RAB26: variants seen among roughly 807,000 people sequenced by gnomAD.
The protein encoded by RAB26 is ras-related protein Rab-26.
A neutral mutation model predicts 33.1 loss-of-function variants in RAB26; 39 were observed. The ratio of observed to expected loss-of-function variants is 1.18; its 90% CI spans 0.91 to 1.54. RAB26 has a LOEUF of 1.54. RAB26 is among the 40% of genes most tolerant of loss of function. The pLI is 0.00. For missense variants in RAB26, 468 were observed against 362.9 expected, an observed-to-expected ratio of 1.29 and a Z score of -2.35; for synonymous variants, 192 against 151.9, an observed-to-expected ratio of 1.26 and a Z score of -1.94.
At position 2,153,396 on chromosome 16, in the gene RAB26, G is replaced by A. The variant is rs756320963; in HGVS notation, c.746G>A (p.Arg249Gln). The A allele has an allele frequency of 9.3e-6, 15 of 1,613,320 alleles. 1 individual carries two copies. The South Asian group carries it at 1.3e-4, about 14-fold the overall frequency. Reference protein sequence around the residue: ...RLHDYVKREGRGASCCRP With the variant: ...RLHDYVKREGQGASCCRP ...CATGATTACGTTAAGAGGGAGGGTCGAGGGGCCTCCTGCTGCCGCCCTTGA... is the reference window on the plus strand; with the variant it reads ...CATGATTACGTTAAGAGGGAGGGTCAAGGGGCCTCCTGCTGCCGCCCTTGA... The change falls in exon 9 of 9, where the codon CGA (arginine) becomes CAA (glutamine). Residue 249 changes from arginine (R) to glutamine (Q), a missense_variant. Physicochemically the swap from Arg to Gln is conservative, Grantham distance 43. Transcript: ENST00000210187.
At chr16:2,149,461 C>T (rs2141250487) in intron 1 of RAB26, among the ~76,000 whole-genome samples, 1 of 152,224 alleles carries the variant, frequency 6.6e-6, no homozygotes, top group African/African-American at 2.4e-5. Context: ...GAAGGCCTGA[C>T]TGCTGCCCAC....
At chr16:2,149,292 CGGCTGT>C (rs2092996603) in intron 1 of RAB26, among the ~76,000 whole-genome samples, 1 of 145,458 alleles carries the variant, frequency 6.9e-6, no homozygotes, top group African/African-American at 2.6e-5. Context: ...CTCAACCCAG[CGGCTGT>C]GGGCCTTTTT....
chr16:2,153,432 G>A lies in RAB26; in HGVS notation c.*11G>A. 1 of 1,612,638 alleles carries A rather than the reference G, an allele frequency of 6.2e-7. No individual in the cohort carries two copies. ...TGCTGCCGCCCTTGAACCTGGCTGA[G>A]CTCAGTCCTCTGGAGGAAGCCGTCC... On this transcript the variant is annotated 3_prime_UTR_variant, in exon 9 of 9. Coordinates refer to ENST00000210187, the MANE Select transcript of RAB26 (RefSeq NM_014353.5).
In RAB26 at chr16:2,148,649, T is replaced by A. The variant is rs965953014; in HGVS notation, c.-135T>A. 1.9e-3 allele frequency: 728 copies of A among 388,696 alleles called. 12 individuals are homozygous for A. The highest frequency in any genetic ancestry group is 0.015 in the African/African-American group (676 of 44,856). The allele number at this position is 388,696 out of a possible 1,614,324, so 24.1% of individuals were successfully genotyped here. ...GGCGCGAGCCGGGCGCCCGGGATGA[T>A]GCCGCCGCCGCCGCCGCCGCCGCCG... On this transcript the variant is annotated 5_prime_UTR_variant, in exon 1 of 9. It removes an upstream start codon present in the reference 5' UTR. Coordinates refer to ENST00000210187, the MANE Select transcript of RAB26 (RefSeq NM_014353.5).
Position 2,153,020 on chromosome 16 carries a change from G to A in RAB26, c.566G>A (p.Arg189Lys), listed in dbSNP as rs201363323. ...TCTGCCCATGAGCGTGTGGTGAAGA[G>A]GGAGGACGGGGAGAAGCTGGCCAAG... The part of the protein sequence containing the change: ...VDSAHERVVK[R>K]EDGEKLAKEY... The change falls in exon 7 of 9, where the codon AGG becomes AAG. Residue 189 changes from arginine to lysine, a missense_variant. Arg to Lys is a conservative substitution (Grantham distance 26). Transcript: ENST00000210187. The A allele has an allele frequency of 2.6e-4, 412 of 1,601,212 alleles. No homozygotes were observed. The highest frequency in any genetic ancestry group is 3.3e-4 in the Non-Finnish European group (392 of 1,171,524).
rs771953171 is a variant in RAB26, at chr16:2,153,413, C to T, written c.763C>T (p.Arg255Cys). 10 of 1,613,352 alleles carry T rather than the reference C, an allele frequency of 6.2e-6. No individual in the cohort carries two copies. Among genetic ancestry groups the T allele is most frequent in the East Asian group, 4.5e-5 (2 of 44,886 alleles). Residue 255 changes from arginine (R) to cysteine (C), a missense_variant, in exon 9 of 9, where the codon CGC (arginine) becomes TGC (cysteine). By Grantham distance (180) the Arg-to-Cys change is radical (BLOSUM62 -3). Coordinates refer to ENST00000210187, the MANE Select transcript of RAB26 (RefSeq NM_014353.5). ...KREGRGASCCRP is the reference protein window; with the variant it reads ...KREGRGASCCCP ...GGAGGGTCGAGGGGCCTCCTGCTGC[C>T]GCCCTTGAACCTGGCTGAGCTCAGT...
chr16:2,150,715 C>A (rs977933285), intron 2 of RAB26, among the ~76,000 whole-genome samples: 4 of 151,880 alleles, frequency 2.6e-5, no homozygotes, highest in Non-Finnish European at 4.4e-5. Context: ...GTCCCCACTT[C>A]CCCACCTCCC....
chr16:2,152,624 T>C (rs2093008939), intron 5 of RAB26, among the ~76,000 whole-genome samples, 196 bp from the exon 6 acceptor site: 1 of 132,188 alleles, frequency 7.6e-6, no homozygotes, highest in Non-Finnish European at 1.5e-5. Flanking sequence ...ACCCAGGAGA[T>C]GGAGACTGCA....
intron 1 of RAB26, among the ~76,000 whole-genome samples, chr16:2,149,706 T>C (rs377446307): frequency 6.6e-6 from 1 of 152,184 alleles, no homozygotes. Context: ...GGGTCCGGGA[T>C]GCAGGTGGCT....
chr16:2,153,067 G>C, intron 7 of RAB26, 22 bp downstream of exon 7: 3 of 1,611,706 alleles, frequency 1.9e-6, no homozygotes, highest in Non-Finnish European at 2.5e-6. Flanking sequence ...CAGGGGGGTG[G>C]TGAGGGGGTG....
chr16:2,153,351 G>T lies in RAB26; in HGVS notation c.701G>T (p.Ser234Ile). The T allele has an allele frequency of 6.2e-7, 1 of 1,613,496 alleles. No homozygotes were observed. ...ELKQRSMKAP[S>I]EPRFRLHDYV... ...AAGCAGCGCTCCATGAAGGCTCCCAGCGAGCCGCGCTTCCGGCTGCATGAT... is the reference window on the plus strand; with the variant it reads ...AAGCAGCGCTCCATGAAGGCTCCCATCGAGCCGCGCTTCCGGCTGCATGAT... Residue 234 changes from serine to isoleucine, a missense_variant, in exon 9 of 9, where the codon AGC becomes ATC. Physicochemically the swap from Ser to Ile is moderately radical, Grantham distance 142. Transcript: ENST00000210187.
Position 2,153,759 on chromosome 16 carries a change from A to T in RAB26, c.*338A>T. The T allele has an allele frequency of 1.9e-6, 1 of 513,282 alleles. No individual in the cohort carries two copies. The highest frequency in any genetic ancestry group is 3.8e-6 in the Non-Finnish European group (1 of 265,254). 31.8% of individuals were successfully genotyped at this position (513,282 alleles called of 1,614,324 possible). On this transcript the variant is annotated 3_prime_UTR_variant, in exon 9 of 9. Coordinates refer to ENST00000210187, the MANE Select transcript of RAB26 (RefSeq NM_014353.5). ...GGGGCTGGCACCACGCACAGTGCCT[A>T]ACCCTAGAAAAGCCATGTCTTCAGC...
chr16:2,152,150 C>G (rs1409413861), intron 5 of RAB26, among the ~76,000 whole-genome samples: 1 of 152,184 alleles, frequency 6.6e-6, no homozygotes, highest in Non-Finnish European at 1.5e-5. Flanking sequence ...GGGGGGTTAT[C>G]ACTTCTAAAG....
rs753141099 is a variant in RAB26, at chr16:2,150,034, G to A, written c.289G>A (p.Val97Ile). ...CCTGGCGGGGACCTTCATCTCCACC[G>A]TAGGCATTGACTTCCGGGTGAGTGG... ...AFLAGTFIST[V>I]GIDFRNKVLD... The change falls in exon 2 of 9, where the codon GTA (valine) becomes ATA (isoleucine). Residue 97 changes from valine to isoleucine, a missense_variant. Physicochemically the swap from Val to Ile is conservative, Grantham distance 29. Transcript: ENST00000210187. 101 of 1,543,624 alleles carry A rather than the reference G, an allele frequency of 6.5e-5. No homozygotes were observed. In the Admixed American group the frequency reaches 9.6e-4, roughly 15 times the overall value.
At chr16:2,152,165 G>A (rs1403142684) in intron 5 of RAB26, among the ~76,000 whole-genome samples, 1 of 152,220 alleles carries the variant, frequency 6.6e-6, no homozygotes, top group Non-Finnish European at 1.5e-5. Context: ...CTAAAGACAG[G>A]TATCCTGGCC....
In RAB26 at chr16:2,151,764, G is replaced by A. The variant is rs1394348854; in HGVS notation, c.415+3G>A. ...TGCCTACTACCGGGATGCTCATGGT[G>A]AGCCCCTGGGTACCTGGGCTGGTTG... On this transcript the variant is annotated splice_donor_region_variant and intron_variant, in intron 4 of 8. Coordinates refer to ENST00000210187, the MANE Select transcript of RAB26 (RefSeq NM_014353.5). 11 of 1,613,974 alleles carry A rather than the reference G, an allele frequency of 6.8e-6. No individual in the cohort carries two copies. The highest frequency in any genetic ancestry group is 1.6e-4 in the Middle Eastern group (1 of 6,062).
At chr16:2,149,309 T>C (rs1457369869) in intron 1 of RAB26, among the ~76,000 whole-genome samples, 1 of 148,108 alleles carries the variant, frequency 6.8e-6, no homozygotes, top group Non-Finnish European at 1.5e-5. Flanking sequence ...GGGCCTTTTT[T>C]TTTTTTTTTT....
chr16:2,148,970 G>A lies in RAB26; in HGVS notation c.187G>A (p.Ala63Thr), dbSNP rs1328352215. The change falls in exon 1 of 9, where the codon GCC (alanine) becomes ACC (threonine). Residue 63 changes from alanine to threonine, a missense_variant. Transcript: ENST00000210187. ...LGGGVDFYDVAFKVMLVGDSG... is the reference protein window; with the variant it reads ...LGGGVDFYDVTFKVMLVGDSG... ...CGGCGGTGTCGACTTCTACGACGTCGCCTTCAAGGTGAGCCAGGCACCCGC... is the reference window on the plus strand; with the variant it reads ...CGGCGGTGTCGACTTCTACGACGTCACCTTCAAGGTGAGCCAGGCACCCGC... The A allele has an allele frequency of 1.6e-6, 2 of 1,275,900 alleles. No homozygotes were observed. The highest frequency in any genetic ancestry group is 1.5e-5 in the African/African-American group (1 of 64,860). 79.0% of individuals were successfully genotyped at this position (1,275,900 alleles called of 1,614,324 possible). A position where few individuals can be genotyped will look rare whatever the true frequency, so the allele number is the denominator to read the frequency against.
At position 2,148,925 on chromosome 16, in the gene RAB26, C is replaced by T; in HGVS notation, c.142C>T (p.Pro48Ser). 2 of 1,300,726 alleles carry T rather than the reference C, an allele frequency of 1.5e-6. No homozygotes were observed. The highest frequency in any genetic ancestry group is 2.0e-6 in the Non-Finnish European group (2 of 1,023,080). 80.6% of individuals were successfully genotyped at this position (1,300,726 alleles called of 1,614,324 possible). A position where few individuals can be genotyped will look rare whatever the true frequency, so the allele number is the denominator to read the frequency against. Residue 48 changes from proline to serine, a missense_variant, in exon 1 of 9, where the codon CCC becomes TCC. Coordinates refer to ENST00000210187, the MANE Select transcript of RAB26 (RefSeq NM_014353.5). ...CGCGCCGCCCAACGGGCCCTTGCAG[C>T]CCGGCCGGCCCTCGCTTGGCGGCGG... ...PDAPPNGPLQ[P>S]GRPSLGGGVD...
Sources: allele counts gnomAD v4.1 joint callset (sites outside exome capture counted in the v4.1 genomes callset), GRCh38; gene constraint gnomAD v4.1.1; transcripts MANE v1.5; gene names NCBI Gene and HGNC (gene_info 2026-07-23, HGNC 2026-07-21).